Variants in RAB10 observed in about 807,000 individuals in gnomAD.
The protein encoded by RAB10 is RAB10, member RAS oncogene family.
In RAB10, 5 loss-of-function variants were observed where a neutral mutation model predicts 25.7. The ratio of observed to expected loss-of-function variants is 0.19; its 90% CI spans 0.10 to 0.41. The LOEUF is 0.41. Ranked by LOEUF, RAB10 falls within the 10% of genes least tolerant of loss-of-function variation. The pLI, the probability that RAB10 is intolerant of heterozygous loss-of-function variation, is 1.00. For synonymous variants in RAB10, 89 were observed against 86.4 expected, an observed-to-expected ratio of 1.03 and a Z score of -0.16; for missense variants, 103 against 245.8, an observed-to-expected ratio of 0.42 and a Z score of 3.89.
chr2:26,081,314 A>G (rs1038349664), intron 1 of RAB10, among the ~76,000 whole-genome samples: 3 of 152,212 alleles, frequency 2.0e-5, no homozygotes, highest in Non-Finnish European at 2.9e-5. Context: ...ACTCCCTGAT[A>G]TGATCAACTG....
intron 3 of RAB10, among the ~76,000 whole-genome samples, chr2:26,112,316 A>G (rs1459838294): frequency 6.6e-6 from 1 of 152,044 alleles, no homozygotes; most frequent in Non-Finnish European, 1.5e-5. Flanking sequence ...GAAATTTCCA[A>G]TCCTCTTATC....
At chr2:26,068,461 A>G (rs779329178) in intron 1 of RAB10, among the ~76,000 whole-genome samples, 2 of 152,216 alleles carry the variant, frequency 1.3e-5, no homozygotes, top group African/African-American at 2.4e-5. Context: ...GATGTGTTTA[A>G]ACTCTTACTG....
chr2:26,121,751 A>G (rs1284007497), intron 3 of RAB10, among the ~76,000 whole-genome samples: 1 of 152,250 alleles, frequency 6.6e-6, no homozygotes, highest in African/African-American at 2.4e-5. Context: ...CTTTTGCATC[A>G]AGAGAAATGT....
chr2:26,099,244 TA>T (rs1667290204), intron 2 of RAB10, among the ~76,000 whole-genome samples: 2 of 151,964 alleles, frequency 1.3e-5, no homozygotes, highest in African/African-American at 2.4e-5. Context: ...CATTAATTAC[TA>T]AAAAGGACCC....
chr2:26,121,110 C>T (rs1300451259), intron 3 of RAB10, among the ~76,000 whole-genome samples: 1 of 152,054 alleles, frequency 6.6e-6, no homozygotes, highest in African/African-American at 2.4e-5. Context: ...CAGGGTTTTG[C>T]CATATTGGCC....
rs1668109874 is a variant in RAB10, at chr2:26,136,221, C to G, written c.*1200C>G. ...TTGAGTAGTCTGCATTTTGGCAACT[C>G]CTCTAGCAGCTTGGTAGCCTAGTAC... is the stretch of plus-strand genomic sequence containing the variant. On this transcript the variant is annotated 3_prime_UTR_variant, in exon 6 of 6. Transcript: ENST00000264710. The G allele has an allele frequency of 1.3e-5, 2 of 152,536 alleles. No individual in the cohort carries two copies. Among genetic ancestry groups the G allele is most frequent in the East Asian group, 3.9e-4 (2 of 5,192 alleles). The allele number at this position is 152,536 out of a possible 1,614,324, so 9.4% of individuals were successfully genotyped here.
intron 1 of RAB10, among the ~76,000 whole-genome samples, chr2:26,096,931 CA>C (rs1667230777): frequency 6.6e-6 from 1 of 152,086 alleles, no homozygotes; most frequent in African/African-American, 2.4e-5. Context: ...AGACAGAAAA[CA>C]TACTTTGGGC....
In RAB10 at chr2:26,050,363, T is replaced by C. The variant is rs536473993; in HGVS notation, c.127+15628T>C. 1.2e-3 allele frequency among the ~76,000 whole-genome samples: 187 copies of C among 152,310 alleles called. 1 individual carries two copies. The highest frequency in any genetic ancestry group is 4.3e-3 in the South Asian group (21 of 4,832). On this transcript the variant is annotated intron_variant, in intron 1 of 5. Transcript: ENST00000264710. ...ATTCTGATTCTTTATCCTTTATTTG[T>C]AGGATAATTATTTATTTATAGTAGC...
At chr2:26,105,299 C>T (rs1474970723) in intron 2 of RAB10, among the ~76,000 whole-genome samples, 1 of 152,144 alleles carries the variant, frequency 6.6e-6, no homozygotes, top group Non-Finnish European at 1.5e-5. Context: ...CAGCCAGTGA[C>T]TTAGAATGAA....
At chr2:26,054,058 G>GT (rs1262138206) in intron 1 of RAB10, among the ~76,000 whole-genome samples, 3 of 38,508 alleles carry the variant, frequency 7.8e-5, no homozygotes, top group South Asian at 8.2e-4. Context: ...TTTTTTTCCT[G>GT]TTTTTTTGAG....
intron 1 of RAB10, among the ~76,000 whole-genome samples, chr2:26,036,041 C>T (rs781319853): frequency 1.3e-5 from 2 of 152,128 alleles, no homozygotes; most frequent in Non-Finnish European, 2.9e-5. Flanking sequence ...AAACTTAGAG[C>T]TTGTTCTCTA....
chr2:26,084,243 C>G (rs191465890), intron 1 of RAB10, among the ~76,000 whole-genome samples: 2 of 152,264 alleles, frequency 1.3e-5, no homozygotes, highest in African/African-American at 4.8e-5. Flanking sequence ...TCCTCCTGTT[C>G]TTGTTCATAG....
At chr2:26,061,981 C>G in intron 1 of RAB10, among the ~76,000 whole-genome samples, 1 of 152,048 alleles carries the variant, frequency 6.6e-6, no homozygotes, top group South Asian at 2.1e-4. Context: ...ACAGCAAAGT[C>G]TCTTACCATG....
chr2:26,063,702 G>A (rs1407349222), intron 1 of RAB10, among the ~76,000 whole-genome samples: 1 of 152,142 alleles, frequency 6.6e-6, no homozygotes, highest in Non-Finnish European at 1.5e-5. Context: ...GAATTTAATT[G>A]CCTTGTCTCT....
In RAB10 at chr2:26,120,048, T is replaced by C. The variant is rs567728431; in HGVS notation, c.328-7096T>C. On this transcript the variant is annotated intron_variant, in intron 3 of 5. Coordinates refer to ENST00000264710, the MANE Select transcript of RAB10 (RefSeq NM_016131.5). ...TTATATATAAGGTAATTTTCCCTTT[T>C]TTATACTTCATTGATCATTTATTTA... is the stretch of plus-strand genomic sequence containing the variant. 4.3e-4 allele frequency among the ~76,000 whole-genome samples: 65 copies of C among 152,316 alleles called. 2 individuals carry two copies. In the South Asian group the frequency reaches 0.013, roughly 30 times the overall value.
chr2:26,046,955 A>G (rs1574526097), intron 1 of RAB10, among the ~76,000 whole-genome samples: 1 of 152,318 alleles, frequency 6.6e-6, no homozygotes, highest in East Asian at 1.9e-4. Context: ...AAGGTAATAC[A>G]AAGGGATCTC....
chr2:26,038,901 G>A (rs1665824454), intron 1 of RAB10, among the ~76,000 whole-genome samples: 1 of 141,536 alleles, frequency 7.1e-6, no homozygotes, highest in South Asian at 2.4e-4. Flanking sequence ...CTTCAGCCTG[G>A]GCAACAGAGC....
intron 1 of RAB10, among the ~76,000 whole-genome samples, chr2:26,066,703 A>G (rs889832439): frequency 1.3e-5 from 2 of 151,820 alleles, no homozygotes; most frequent in African/African-American, 2.4e-5. Flanking sequence ...GGTCCTTCCC[A>G]TGACACTTGG....
At chr2:26,048,615 G>T (rs950676930) in intron 1 of RAB10, among the ~76,000 whole-genome samples, 1 of 152,154 alleles carries the variant, frequency 6.6e-6, no homozygotes, top group African/African-American at 2.4e-5. Flanking sequence ...TTGACCAGGT[G>T]CAGTGGCTCA....
Sources: gnomAD v4.1 joint callset for allele counts (sites outside exome capture counted in the v4.1 genomes callset) on GRCh38, gnomAD v4.1.1 for gene constraint, MANE v1.5 for transcripts, NCBI Gene and HGNC (gene_info 2026-07-23, HGNC 2026-07-21) for gene names.